The following CMYA5 variants were observed in gnomAD, a reference collection of about 807,000 sequenced individuals.
CMYA5 encodes the protein cardiomyopathy associated 5.
In CMYA5, 246 loss-of-function variants were observed where a neutral mutation model predicts 318.9. The observed-to-expected ratio is 0.77, with a 90% CI of 0.70 to 0.86. The LOEUF is 0.86. Among genes scored for constraint, CMYA5 ranks in the 40% least tolerant of loss-of-function variants. CMYA5 has a pLI of 0.00. For missense variants in CMYA5, 4,589 were observed against 4,678.2 expected (o/e 0.98, Z 0.56); for synonymous variants, 1,641 against 1,729.5 (o/e 0.95, Z 1.27).
At chr5:79,791,458 C>T (rs183929784) in intron 11 of CMYA5, among the ~76,000 whole-genome samples, 1 of 152,220 alleles carries the variant, frequency 6.6e-6, no homozygotes, top group East Asian at 1.9e-4. Context: ...CAGTGGCTCA[C>T]TCCTGTAATC....
rs750287531 is a variant in CMYA5 at position 79,728,913 on chromosome 5, A to G, written c.150-2A>G. On this transcript the variant is annotated splice_acceptor_variant, in intron 1 of 12. Transcript: ENST00000446378. LOFTEE classifies it high-confidence loss of function. ...TATAATTAATATTGTTATTTGCTATAGGTTATCAGACCAGGATGAAGAGGG... is the reference window on the plus strand; with the variant it reads ...TATAATTAATATTGTTATTTGCTATGGGTTATCAGACCAGGATGAAGAGGG... 2 of 1,454,168 alleles carry G rather than the reference A, an allele frequency of 1.4e-6. No homozygotes were observed. Among genetic ancestry groups the G allele is most frequent in the Non-Finnish European group, 1.8e-6 (2 of 1,088,348 alleles). 90.1% of individuals were successfully genotyped at this position (1,454,168 alleles called of 1,614,324 possible).
chr5:79,717,180 T>C (rs1057390185), intron 1 of CMYA5, among the ~76,000 whole-genome samples: 14 of 152,240 alleles, frequency 9.2e-5, no homozygotes, highest in African/African-American at 2.4e-4. Flanking sequence ...ATACTAGTTA[T>C]ACTTGTTATT....
At chr5:79,786,041 GC>G (rs1829076690) in intron 9 of CMYA5, among the ~76,000 whole-genome samples, 1 of 152,180 alleles carries the variant, frequency 6.6e-6, no homozygotes, top group African/African-American at 2.4e-5. Context: ...TCGCAGAGCA[GC>G]CCAAGGCCTT....
chr5:79,731,748 G>T lies in CMYA5; in HGVS notation c.2983G>T (p.Ala995Ser). 1 of 1,613,886 alleles carries T rather than the reference G, an allele frequency of 6.2e-7. No individual in the cohort carries two copies. Among genetic ancestry groups the T allele is most frequent in the South Asian group, 1.1e-5 (1 of 91,066 alleles). Reference sequence around the variant, plus strand: ...TTTGTCAGATGAAGACACTGAAGAAGCGGAACTGTTCTCTCCAGACTCAGC... The same window carrying T: ...TTTGTCAGATGAAGACACTGAAGAATCGGAACTGTTCTCTCCAGACTCAGC... ...TILSDEDTEE[A>S]ELFSPDSASQ... The change falls in exon 2 of 13, where the codon GCG (alanine) becomes TCG (serine). Residue 995 changes from alanine to serine, a missense_variant. Ala to Ser is a moderately conservative substitution (Grantham distance 99, BLOSUM62 1). This residue lies in a region of CMYA5 where 2,132 missense variants were observed against 2,131.3 expected (regional missense o/e 1.00). Transcript: ENST00000446378.
At chr5:79,714,505 A>G (rs1827477427) in intron 1 of CMYA5, among the ~76,000 whole-genome samples, 1 of 135,330 alleles carries the variant, frequency 7.4e-6, no homozygotes, top group African/African-American at 2.9e-5. Flanking sequence ...GTGACTGACC[A>G]TGGCTCACTG....
Position 79,735,205 on chromosome 5 carries a change from A to G in CMYA5, c.6440A>G (p.Glu2147Gly). The change falls in exon 2 of 13, where the codon GAG becomes GGG. Residue 2147 changes from glutamate (E) to glycine (G), a missense_variant. Glu to Gly is a moderately conservative substitution (Grantham distance 98). Coordinates refer to ENST00000446378, the MANE Select transcript of CMYA5 (RefSeq NM_153610.5). ...CATGCAAGAGAGCCTCAATCCCCAG[A>G]GTCACCTGAGGTGACACAAAATCCA... The part of the protein sequence containing the change: ...SIHAREPQSP[E>G]SPEVTQNPPT... The G allele has an allele frequency of 6.2e-7, 1 of 1,613,790 alleles. No individual in the cohort carries two copies. The highest frequency in any genetic ancestry group is 8.5e-7 in the Non-Finnish European group (1 of 1,179,762).
chr5:79,760,806 C>T (rs1377363980), intron 7 of CMYA5, among the ~76,000 whole-genome samples: 1 of 152,154 alleles, frequency 6.6e-6, no homozygotes, highest in Non-Finnish European at 1.5e-5. Context: ...AAATTGCAGA[C>T]ACAGATTCTG....
intron 3 of CMYA5, 150 bp downstream of exon 3, chr5:79,744,072 A>G: frequency 3.9e-6 from 2 of 515,586 alleles, no homozygotes; most frequent in African/African-American, 2.0e-5. Context: ...GAGAATGCTT[A>G]AAGTCTTCTC....
At chr5:79,719,335 G>C (rs1453165241) in intron 1 of CMYA5, among the ~76,000 whole-genome samples, 2 of 152,084 alleles carry the variant, frequency 1.3e-5, no homozygotes, top group Non-Finnish European at 2.9e-5. Context: ...TTTTCAATAA[G>C]TTACTGGTTT....
intron 9 of CMYA5, among the ~76,000 whole-genome samples, chr5:79,775,177 A>G (rs1389405645): frequency 6.6e-6 from 1 of 152,224 alleles, no homozygotes; most frequent in Non-Finnish European, 1.5e-5. Flanking sequence ...TTATGAGAAG[A>G]TGATTCCCCA....
chr5:79,739,827 A>G lies in CMYA5; in HGVS notation c.10638+424A>G, dbSNP rs186022031. Among the ~76,000 whole-genome samples the G allele has an allele frequency of 1.7e-3, 257 of 152,004 alleles. 1 individual carries two copies. Among genetic ancestry groups the G allele is most frequent in the African/African-American group, 5.9e-3 (245 of 41,460 alleles). The stretch of plus-strand genomic sequence containing the variant: ...GGGAGACCTTGTCTCTACTAAAAAT[A>G]CAAAAATTAGCTGGGCATGGTGGCG... On this transcript the variant is annotated intron_variant, in intron 2 of 12. Transcript: ENST00000446378.
In CMYA5 at chr5:79,738,350, T is replaced by A. The variant is rs1431388894; in HGVS notation, c.9585T>A (p.Asp3195Glu). Reference sequence around the variant, plus strand: ...CTGCACTTGCATTTTTATATAAGGATCTGTATGAAGAAGCAGTTGGAGAGA... The same window carrying A: ...CTGCACTTGCATTTTTATATAAGGAACTGTATGAAGAAGCAGTTGGAGAGA... ...EPPALAFLYK[D>E]LYEEAVGEKK... The change falls in exon 2 of 13, where the codon GAT (aspartate) becomes GAA (glutamate). Residue 3195 changes from aspartate to glutamate, a missense_variant. This residue lies in a region of CMYA5 where 2,431 missense variants were observed against 2,495.1 expected (regional missense o/e 0.97). Coordinates refer to ENST00000446378, the MANE Select transcript of CMYA5 (RefSeq NM_153610.5). 1 of 1,613,654 alleles carries A rather than the reference T, an allele frequency of 6.2e-7. No homozygotes were observed.
chr5:79,747,615 G>A (rs915940662), intron 5 of CMYA5, among the ~76,000 whole-genome samples: 1 of 152,104 alleles, frequency 6.6e-6, no homozygotes, highest in African/African-American at 2.4e-5. Flanking sequence ...TTTTGTTGGT[G>A]TTTTTAACAC....
chr5:79,724,421 G>T (rs137975375), intron 1 of CMYA5, among the ~76,000 whole-genome samples: 112 of 152,300 alleles, frequency 7.4e-4, no homozygotes, highest in African/African-American at 2.4e-3. Context: ...TCAGATGAGG[G>T]TTATCCTCCA....
intron 9 of CMYA5, chr5:79,774,553 T>A (rs1035147606): frequency 1.3e-5 from 2 of 152,300 alleles, no homozygotes; most frequent in African/African-American, 4.8e-5. Flanking sequence ...AGCCGTGTAT[T>A]GAATGACAAA....
chr5:79,736,526 A>G lies in CMYA5; in HGVS notation c.7761A>G (p.Ser2587=). 6.2e-7 allele frequency: 1 copy of G among 1,613,532 alleles called. No homozygotes were observed. The highest frequency in any genetic ancestry group is 8.5e-7 in the Non-Finnish European group (1 of 1,179,694). The change falls in exon 2 of 13, where the codon TCA becomes TCG. Residue 2587 remains serine (S), a synonymous_variant. Transcript: ENST00000446378. ...GHSLGETQSF[S]LVKATSVTEK... ...CTTTGGGTGAAACTCAATCATTTTC[A>G]TTAGTTAAAGCTACATCAGTTACTG...
Position 79,793,459 on chromosome 5 carries a change from G to A in CMYA5, c.11812G>A (p.Glu3938Lys). Reference sequence around the variant, plus strand: ...CAGAATCCCGTCAGTGCTGGGTGAGGAGCTGCCTTCCTGTGGCCAGCATTA... The same window carrying A: ...CAGAATCCCGTCAGTGCTGGGTGAGAAGCTGCCTTCCTGTGGCCAGCATTA... Reference protein sequence around the residue: ...LTEIPSVLGEELPSCGQHYWE... With the variant: ...LTEIPSVLGEKLPSCGQHYWE... Residue 3938 changes from glutamate (E) to lysine (K), a missense_variant, in exon 12 of 13, where the codon GAG (glutamate) becomes AAG (lysine). Around this residue, in one of 3 missense-constraint regions of CMYA5, gnomAD observed 2,431 missense variants for 2,495.1 expected, o/e 0.97. Coordinates refer to ENST00000446378, the MANE Select transcript of CMYA5 (RefSeq NM_153610.5). 2 of 1,613,316 alleles carry A rather than the reference G, an allele frequency of 1.2e-6. No individual in the cohort carries two copies. Among genetic ancestry groups the A allele is most frequent in the Non-Finnish European group, 1.7e-6 (2 of 1,179,352 alleles).
At chr5:79,704,227 T>G (rs1303703358) in intron 1 of CMYA5, among the ~76,000 whole-genome samples, 1 of 150,892 alleles carries the variant, frequency 6.6e-6, no homozygotes, top group Non-Finnish European at 1.5e-5. Flanking sequence ...AGGTATTTAA[T>G]GCTAAATAAA....
rs2151087240 is a variant in CMYA5 at position 79,735,878 on chromosome 5, A to C, written c.7113A>C (p.Lys2371Asn). Residue 2371 changes from lysine to asparagine, a missense_variant, in exon 2 of 13, where the codon AAA (lysine) becomes AAC (asparagine). Lys to Asn is a moderately conservative substitution (Grantham distance 94, BLOSUM62 0). Around this residue, in one of 3 missense-constraint regions of CMYA5, gnomAD observed 2,431 missense variants for 2,495.1 expected, o/e 0.97. Transcript: ENST00000446378. Reference protein sequence around the residue: ...IFKEEPRSDQKQKSLLSFDVV... With the variant: ...IFKEEPRSDQNQKSLLSFDVV... Reference sequence around the variant, plus strand: ...AGGAAGAGCCAAGAAGTGATCAAAAACAAAAATCACTCCTTTCATTTGATG... The same window carrying C: ...AGGAAGAGCCAAGAAGTGATCAAAACCAAAAATCACTCCTTTCATTTGATG... The C allele has an allele frequency of 1.3e-6, 2 of 1,578,350 alleles. No homozygotes were observed. The highest frequency in any genetic ancestry group is 1.2e-5 in the South Asian group (1 of 84,346).
Sources: allele counts gnomAD v4.1 joint callset (sites outside exome capture counted in the v4.1 genomes callset), GRCh38; gene constraint gnomAD v4.1.1; regional missense constraint gnomAD v4.1.1; transcripts MANE v1.5; gene names NCBI Gene and HGNC (gene_info 2026-07-23, HGNC 2026-07-21).